VEZT: variants seen among roughly 807,000 people sequenced by gnomAD.
VEZT encodes vezatin.
Under a neutral mutation model 79.9 loss-of-function variants are expected in VEZT, and 39 were observed. That is an observed-to-expected ratio of 0.49 (90% CI 0.38 to 0.64). The LOEUF (loss-of-function observed/expected upper bound fraction) is 0.64. VEZT is among the 30% of genes least tolerant of loss of function. The pLI is 0.00. For missense variants in VEZT, 837 were observed against 893.1 expected (o/e 0.94, Z 0.80); for synonymous variants, 325 against 327.6 (o/e 0.99, Z 0.09).
At chr12:95,245,542 A>C (rs779772139) in intron 1 of VEZT, 15 of 456,614 alleles carry the variant, frequency 3.3e-5, no homozygotes. Context: ...CCTGACATGG[A>C]AGATGTTCAG....
intron 1 of VEZT, among the ~76,000 whole-genome samples, chr12:95,226,880 T>G (rs1021627140): frequency 1.3e-5 from 2 of 152,070 alleles, no homozygotes; most frequent in African/African-American, 4.8e-5. Context: ...TGACTCCTCC[T>G]CCTATAAGAT....
Position 95,274,807 on chromosome 12 carries a change from T to G in VEZT, c.914T>G (p.Leu305Arg). 3 of 1,613,942 alleles carry G rather than the reference T, an allele frequency of 1.9e-6. No homozygotes were observed. Among genetic ancestry groups the G allele is most frequent in the Non-Finnish European group, 2.5e-6 (3 of 1,179,854 alleles). ...NYICVVPFKE[L>R]GLGLSEEQIS... ...ATCTGTGTGGTGCCTTTTAAAGAGCTGGGCCTTGGACTTAGTGAAGAGCAG... is the reference window on the plus strand; with the variant it reads ...ATCTGTGTGGTGCCTTTTAAAGAGCGGGGCCTTGGACTTAGTGAAGAGCAG... Residue 305 changes from leucine to arginine, a missense_variant, in exon 7 of 12, where the codon CTG (leucine) becomes CGG (arginine). Physicochemically the swap from Leu to Arg is moderately radical, Grantham distance 102. Transcript: ENST00000436874.
intron 9 of VEZT, among the ~76,000 whole-genome samples, chr12:95,289,736 A>G (rs936838108): frequency 6.6e-6 from 1 of 152,248 alleles, no homozygotes; most frequent in African/African-American, 2.4e-5. Flanking sequence ...TATTTTAAGA[A>G]GCAGGTACTT....
At chr12:95,294,152 G>T (rs964006191) in intron 9 of VEZT, 120 bp from the exon 10 acceptor site, 1 of 718,106 alleles carries the variant, frequency 1.4e-6, no homozygotes, top group Non-Finnish European at 2.3e-6. Flanking sequence ...CTCCCGAAGT[G>T]CTGGGATTAC....
intron 6 of VEZT, among the ~76,000 whole-genome samples, chr12:95,270,429 C>T (rs2066369769): frequency 6.6e-6 from 1 of 152,206 alleles, no homozygotes; most frequent in South Asian, 2.1e-4. Flanking sequence ...CTTGAAGTCT[C>T]TTCCTTTACT....
At chr12:95,286,809 GT>G (rs1246035485) in intron 8 of VEZT, 14 of 414,468 alleles carry the variant, frequency 3.4e-5, no homozygotes, top group African/African-American at 2.7e-4. Context: ...TCTTTCCCAT[GT>G]TTTGCAATGT....
intron 6 of VEZT, among the ~76,000 whole-genome samples, chr12:95,271,420 G>T (rs1171496266): frequency 1.3e-5 from 2 of 152,080 alleles, no homozygotes; most frequent in Non-Finnish European, 2.9e-5. Context: ...TAAGTGCCGT[G>T]GGTGCCTTCC....
intron 1 of VEZT, among the ~76,000 whole-genome samples, chr12:95,238,026 G>T (rs892746067): frequency 3.9e-5 from 6 of 152,194 alleles, no homozygotes; most frequent in African/African-American, 1.4e-4. Context: ...ACAAAAATAT[G>T]ATTGAATTAA....
Position 95,262,983 on chromosome 12 carries a change from T to A in VEZT, c.336T>A (p.Ile112=), listed in dbSNP as rs537000477. The A allele has an allele frequency of 6.2e-7, 1 of 1,612,996 alleles. No individual in the cohort carries two copies. The highest frequency in any genetic ancestry group is 1.1e-5 in the South Asian group (1 of 91,028). Residue 112 remains isoleucine, a synonymous_variant, in exon 4 of 12, where the codon ATT becomes ATA. Transcript: ENST00000436874. ...EVLLQEDVEL[I]ELLDPSILSA... The stretch of plus-strand genomic sequence containing the variant: ...TGTTACAAGAGGATGTGGAGCTGAT[T>A]GAGCTACTTGATCCCAGTATCCTGT...
chr12:95,230,993 A>G (rs992432624), intron 1 of VEZT, among the ~76,000 whole-genome samples: 3 of 152,114 alleles, frequency 2.0e-5, no homozygotes, highest in African/African-American at 7.2e-5. Flanking sequence ...TCTGATGGGT[A>G]TGTTTGATTT....
intron 8 of VEZT, among the ~76,000 whole-genome samples, chr12:95,287,060 T>C (rs2071132195): frequency 6.6e-6 from 1 of 152,222 alleles, no homozygotes; most frequent in Admixed American, 6.5e-5. Flanking sequence ...TCACTTGTTA[T>C]TTCTTATGAA....
rs1388699652 is a variant in VEZT at position 95,300,686 on chromosome 12, A to G, written c.*13A>G. The G allele has an allele frequency of 1.3e-6, 2 of 1,559,486 alleles. No individual in the cohort carries two copies. Among genetic ancestry groups the G allele is most frequent in the Non-Finnish European group, 8.7e-7 (1 of 1,155,130 alleles). ...AGAAGAAAAGTAAGAACCAAGATTC[A>G]TATGAAGTGATATTAGATTGTTCCT... is the stretch of plus-strand genomic sequence containing the variant. On this transcript the variant is annotated 3_prime_UTR_variant, in exon 12 of 12. Transcript: ENST00000436874.
At position 95,300,488 on chromosome 12, in the gene VEZT, C is replaced by G; in HGVS notation, c.2155C>G (p.Gln719Glu). 1 of 1,613,974 alleles carries G rather than the reference C, an allele frequency of 6.2e-7. No homozygotes were observed. The highest frequency in any genetic ancestry group is 8.5e-7 in the Non-Finnish European group (1 of 1,179,878). ...TAPPTPRDSL[Q>E]PSIKQRLARL... ...CCCTCCAACTCCCAGGGACTCATTACAGCCCTCCATTAAGCAGAGGCTGGC... is the reference window on the plus strand; with the variant it reads ...CCCTCCAACTCCCAGGGACTCATTAGAGCCCTCCATTAAGCAGAGGCTGGC... The change falls in exon 12 of 12, where the codon CAG (glutamine) becomes GAG (glutamate). Residue 719 changes from glutamine to glutamate, a missense_variant. Transcript: ENST00000436874.
chr12:95,251,978 C>T lies in VEZT; in HGVS notation c.75C>T (p.His25=). The change falls in exon 2 of 12, where the codon CAC becomes CAT. Residue 25 remains histidine, a synonymous_variant. Coordinates refer to ENST00000436874, the MANE Select transcript of VEZT (RefSeq NM_017599.4). ...ACCAATACTTACAGGATCTGGGACA[C>T]ACAGACTTTGAAATATGTTCTTCTT... ...PLYQYLQDLG[H]TDFEICSSLS... 6.2e-7 allele frequency: 1 copy of T among 1,612,648 alleles called. No individual in the cohort carries two copies. The highest frequency in any genetic ancestry group is 8.5e-7 in the Non-Finnish European group (1 of 1,179,290).
chr12:95,300,476 A>G lies in VEZT; in HGVS notation c.2143A>G (p.Arg715Gly). 6.2e-7 allele frequency: 1 copy of G among 1,613,974 alleles called. No individual in the cohort carries two copies. The highest frequency in any genetic ancestry group is 2.2e-5 in the East Asian group (1 of 44,888). Residue 715 changes from arginine to glycine, a missense_variant, in exon 12 of 12, where the codon AGG becomes GGG. By Grantham distance (125) the Arg-to-Gly change is moderately radical. Coordinates refer to ENST00000436874, the MANE Select transcript of VEZT (RefSeq NM_017599.4). ...SGLTTAPPTP[R>G]DSLQPSIKQR... ...TCTGACCACTGCCCCTCCAACTCCC[A>G]GGGACTCATTACAGCCCTCCATTAA...
chr12:95,250,284 T>A (rs2062360366), intron 1 of VEZT, among the ~76,000 whole-genome samples: 1 of 137,720 alleles, frequency 7.3e-6, no homozygotes, highest in East Asian at 2.1e-4. Flanking sequence ...GATTTATTAT[T>A]TTTTTTTTTA....
chr12:95,300,586 C>T lies in VEZT; in HGVS notation c.2253C>T (p.Ser751=). 1 of 1,613,846 alleles carries T rather than the reference C, an allele frequency of 6.2e-7. No individual in the cohort carries two copies. The highest frequency in any genetic ancestry group is 8.5e-7 in the Non-Finnish European group (1 of 1,179,838). The change falls in exon 12 of 12, where the codon TCC becomes TCT. Residue 751 remains serine (S), a synonymous_variant. Transcript: ENST00000436874. ...LAAEVAARSL[S]FTTMQEQTFG... is the part of the protein sequence containing the mutation. ...CAGAAGTGGCTGCTAGATCTCTCTCCTTTACCACCATGCAGGAACAGACTT... is the reference window on the plus strand; with the variant it reads ...CAGAAGTGGCTGCTAGATCTCTCTCTTTTACCACCATGCAGGAACAGACTT...
chr12:95,291,845 G>A (rs1371732524), intron 9 of VEZT, among the ~76,000 whole-genome samples: 9 of 152,168 alleles, frequency 5.9e-5, no homozygotes, highest in Admixed American at 5.9e-4. Context: ...AGGCTGGAGT[G>A]TGGAGTGCAT....
chr12:95,271,016 T>C (rs557757537), intron 6 of VEZT, among the ~76,000 whole-genome samples: 1 of 152,206 alleles, frequency 6.6e-6, no homozygotes, highest in Non-Finnish European at 1.5e-5. Context: ...TTATGTTCTA[T>C]CATATCCTTA....
Sources: allele counts gnomAD v4.1 joint callset (sites outside exome capture counted in the v4.1 genomes callset), GRCh38; gene constraint gnomAD v4.1.1; transcripts MANE v1.5; gene names NCBI Gene and HGNC (gene_info 2026-07-23, HGNC 2026-07-21).